The following FRS2 variants were observed in gnomAD, a reference collection of about 807,000 sequenced individuals.
FRS2 encodes the protein fibroblast growth factor receptor substrate 2, also known as FGFR signalling adaptor.
FRS2 carries 8 observed loss-of-function variants against 43.9 expected under a neutral mutation model. That is an observed-to-expected ratio of 0.18 (90% CI 0.11 to 0.33). The LOEUF is 0.33. FRS2 is among the 10% of genes least tolerant of loss of function. FRS2 has a pLI of 1.00. For synonymous variants in FRS2, 219 were observed against 220.3 expected (o/e 0.99, Z 0.05); for missense variants, 534 against 627.6 (o/e 0.85, Z 1.59).
chr12:69,562,414 C>A (rs1015627401), intron 4 of FRS2, 140 bp downstream of exon 4: 12 of 387,758 alleles, frequency 3.1e-5, no homozygotes, highest in Middle Eastern at 6.4e-4. Flanking sequence ...TTCTCCACCT[C>A]AGCTTCCCAA....
chr12:69,482,476 T>C (rs548586580), intron 1 of FRS2, among the ~76,000 whole-genome samples: 2 of 152,336 alleles, frequency 1.3e-5, no homozygotes, highest in South Asian at 2.1e-4. Context: ...GACTTGGGCA[T>C]TGAACCTTGG....
In FRS2 at chr12:69,572,232, C is replaced by G. The variant is rs746772510; in HGVS notation, c.527C>G (p.Pro176Arg). ...CCTTCTGTGGGAAGTGCTCGCCTGC[C>G]TTCAGTAGGGGAAGAATCTACACAT... ...RHPSVGSARL[P>R]SVGEESTHPL... Residue 176 changes from proline to arginine, a missense_variant, in exon 8 of 9, where the codon CCT becomes CGT. Physicochemically the swap from Pro to Arg is moderately radical, Grantham distance 103. Coordinates refer to ENST00000549921, the MANE Select transcript of FRS2 (RefSeq NM_001278356.2). The G allele has an allele frequency of 2.5e-6, 4 of 1,612,656 alleles. No homozygotes were observed. The African/African-American group carries it at 5.4e-5, about 22-fold the overall frequency.
chr12:69,488,533 T>C (rs116697486), intron 1 of FRS2, among the ~76,000 whole-genome samples: 2,838 of 152,294 alleles, frequency 0.019, 94 homozygotes, highest in African/African-American at 0.063. Flanking sequence ...ACCAAAAACT[T>C]TGTGACTTGC....
chr12:69,572,378 C>T, intron 8 of FRS2, 97 bp downstream of exon 8: 1 of 949,178 alleles, frequency 1.1e-6, no homozygotes, highest in South Asian at 1.6e-5. Flanking sequence ...TGAAGTTTAA[C>T]TTTATCTGTT....
rs1877251782 is a variant in FRS2, at chr12:69,536,101, C to CCTTTTT, written c.-122+4045_-122+4046insCTTTTT. Among the ~76,000 whole-genome samples the CCTTTTT allele has an allele frequency of 1.1e-3, 42 of 37,216 alleles. 2 individuals are homozygous for CCTTTTT. The highest frequency in any genetic ancestry group is 3.5e-3 in the African/African-American group (39 of 11,164). The allele number at this position is 37,216 out of a possible 152,430, so 24.4% of individuals were successfully genotyped here. A position where few individuals can be genotyped will look rare whatever the true frequency, so the allele number is the denominator to read the frequency against. ...TTTTGGTTACTGTAGTATTTTCATT[C>CCTTTTT]TTTTTTTTTTTTTTTTTTTTTTTTT... On this transcript the variant is annotated intron_variant, in intron 3 of 8. Coordinates refer to ENST00000549921, the MANE Select transcript of FRS2 (RefSeq NM_001278356.2).
At chr12:69,473,728 T>G (rs1385722566) in intron 1 of FRS2, among the ~76,000 whole-genome samples, 1 of 152,172 alleles carries the variant, frequency 6.6e-6, no homozygotes, top group African/African-American at 2.4e-5. Context: ...GTATAAATAC[T>G]GGGCAAGGGC....
At chr12:69,504,113 C>G (rs1873712351) in intron 1 of FRS2, among the ~76,000 whole-genome samples, 1 of 152,144 alleles carries the variant, frequency 6.6e-6, no homozygotes, top group Admixed American at 6.5e-5. Context: ...CAACAGAGAA[C>G]AGGAGACATC....
At chr12:69,485,430 C>A (rs977188412) in intron 1 of FRS2, among the ~76,000 whole-genome samples, 1 of 152,140 alleles carries the variant, frequency 6.6e-6, no homozygotes, top group Non-Finnish European at 1.5e-5. Context: ...GATCCGCCCG[C>A]CTCGACCTTC....
intron 1 of FRS2, among the ~76,000 whole-genome samples, chr12:69,476,753 C>CGGGGGGGGGGGGGGGGGGGGGGGGGGGGG (rs60543134): frequency 1.2e-5 from 1 of 80,110 alleles, no homozygotes. Flanking sequence ...GGGGGAGGGA[C>CGGGGGGGGGGGGGGGGGGGGGGGGGGGGG]GGGGGGGGGT....
Position 69,575,982 on chromosome 12 carries a change from G to T in FRS2, c.*1027G>T, listed in dbSNP as rs923885116. 1.3e-5 allele frequency: 2 copies of T among 152,568 alleles called. No homozygotes were observed. The highest frequency in any genetic ancestry group is 4.8e-5 in the African/African-American group (2 of 41,440). The allele number at this position is 152,568 out of a possible 1,614,324, so 9.5% of individuals were successfully genotyped here. On this transcript the variant is annotated 3_prime_UTR_variant, in exon 9 of 9. Transcript: ENST00000549921. Reference sequence around the variant, plus strand: ...GGAACTTACTGTTAGTCTGTAACAGGGTTGCCCTTGTCCAGTATTTATTTA... The same window carrying T: ...GGAACTTACTGTTAGTCTGTAACAGTGTTGCCCTTGTCCAGTATTTATTTA...
intron 1 of FRS2, among the ~76,000 whole-genome samples, chr12:69,505,519 A>G (rs1873846468): frequency 6.6e-6 from 1 of 152,260 alleles, no homozygotes; most frequent in African/African-American, 2.4e-5. Context: ...TTATTATTTT[A>G]ACTGTATAGG....
chr12:69,539,999 A>G (rs1285924804), intron 3 of FRS2, among the ~76,000 whole-genome samples: 1 of 147,482 alleles, frequency 6.8e-6, no homozygotes, highest in Non-Finnish European at 1.5e-5. Context: ...CACGCCTGTA[A>G]TCCCAGCACT....
At chr12:69,486,403 T>G (rs1461196528) in intron 1 of FRS2, 1 of 152,230 alleles carries the variant, frequency 6.6e-6, no homozygotes, top group African/African-American at 2.4e-5. Context: ...TGTGCCCATA[T>G]AGGATGGTGA....
intron 3 of FRS2, among the ~76,000 whole-genome samples, chr12:69,533,532 A>G (rs1465555155): frequency 6.6e-6 from 1 of 152,108 alleles, no homozygotes; most frequent in African/African-American, 2.4e-5. Flanking sequence ...TATTTTTAGT[A>G]GAGACGGGGT....
intron 3 of FRS2, 153 bp from the exon 4 acceptor site, chr12:69,562,026 AT>A (rs1220253879): frequency 5.3e-6 from 2 of 379,176 alleles, no homozygotes; most frequent in African/African-American, 4.2e-5. Flanking sequence ...ACTTTTTAAA[AT>A]TGATGTTATA....
At chr12:69,522,377 A>G (rs576440718) in intron 1 of FRS2, among the ~76,000 whole-genome samples, 1 of 152,054 alleles carries the variant, frequency 6.6e-6, no homozygotes, top group South Asian at 2.1e-4. Context: ...TAGATTTTCT[A>G]GTTTGTGTGC....
intron 1 of FRS2, among the ~76,000 whole-genome samples, chr12:69,487,591 T>C (rs901451788): frequency 6.6e-6 from 1 of 152,244 alleles, no homozygotes; most frequent in Non-Finnish European, 1.5e-5. Context: ...ACAAGATTAA[T>C]GTTGTTTTCA....
chr12:69,554,387 A>G (rs1027119423), intron 3 of FRS2, among the ~76,000 whole-genome samples: 4 of 152,190 alleles, frequency 2.6e-5, no homozygotes, highest in Admixed American at 2.6e-4. Context: ...AGAGAAAAAT[A>G]GGTGTAAAAC....
At chr12:69,485,195 A>AT (rs1056623938) in intron 1 of FRS2, among the ~76,000 whole-genome samples, 11 of 112,432 alleles carry the variant, frequency 9.8e-5, no homozygotes, top group Non-Finnish European at 1.9e-4. Context: ...TTATTTATTT[A>AT]TTTTTGAGAC....
Sources: gnomAD v4.1 joint callset for allele counts (sites outside exome capture counted in the v4.1 genomes callset) on GRCh38, gnomAD v4.1.1 for gene constraint, MANE v1.5 for transcripts, NCBI Gene and HGNC (gene_info 2026-07-23, HGNC 2026-07-21) for gene names.